Variants in SAMD3 observed in about 807,000 individuals in gnomAD.
SAMD3 encodes the protein sterile alpha motif domain-containing protein 3.
A neutral mutation model predicts 58.5 loss-of-function variants in SAMD3; 63 were observed. The observed-to-expected ratio is 1.08, with a 90% CI of 0.88 to 1.33. The LOEUF is 1.33. Among genes scored for constraint, SAMD3 ranks in the 40% most tolerant of loss-of-function variants. The pLI is 0.00. For missense variants in SAMD3, 604 were observed against 608.4 expected, an observed-to-expected ratio of 0.99 and a Z score of 0.08; for synonymous variants, 220 against 210.3, an observed-to-expected ratio of 1.05 and a Z score of -0.40.
intron 2 of SAMD3, among the ~76,000 whole-genome samples, chr6:130,241,193 G>A (rs2114894457): frequency 7.0e-6 from 1 of 142,008 alleles, no homozygotes; most frequent in South Asian, 2.3e-4. Flanking sequence ...AACCTGTTTT[G>A]TACTTAAACC....
intron 2 of SAMD3, among the ~76,000 whole-genome samples, chr6:130,233,713 T>A (rs1471342534): frequency 6.6e-6 from 1 of 152,220 alleles, no homozygotes; most frequent in Non-Finnish European, 1.5e-5. Flanking sequence ...TCTATCATCA[T>A]GGAAGCTTAT....
Position 130,179,501 on chromosome 6 carries a change from A to C in SAMD3, c.655-3493T>G, listed in dbSNP as rs74853949. Among the ~76,000 whole-genome samples the C allele has an allele frequency of 7.4e-3, 1,124 of 152,104 alleles. 23 individuals carry two copies. Among genetic ancestry groups the C allele is most frequent in the African/African-American group, 0.026 (1,093 of 41,454 alleles). ...CAGCATCACGAGCAGATCTTTGCAC[A>C]TTCAAATGCAGAATGTGGACCGTCT... On this transcript the variant is annotated intron_variant, in intron 7 of 11. Coordinates refer to ENST00000439090, the MANE Select transcript of SAMD3 (RefSeq NM_001017373.4).
Position 130,311,393 on chromosome 6 carries a change from G to T in SAMD3, c.-188+1585C>A, listed in dbSNP as rs186343151. Among the ~76,000 whole-genome samples, 904 of 152,270 alleles carry T rather than the reference G, an allele frequency of 5.9e-3. 42 individuals are homozygous for T. The highest frequency in any genetic ancestry group is 0.053 in the Admixed American group (809 of 15,294). ...CAAGGAGGGGTTCCTCCAGCCTACT[G>T]CTCCCTGGTCGCTGTTGCAGACACT... On this transcript the variant is annotated intron_variant, in intron 2 of 13. Transcript: ENST00000368134.
At chr6:130,155,110 A>G in intron 8 of SAMD3, 85 bp from the exon 9 acceptor site, 1 of 997,338 alleles carries the variant, frequency 1.0e-6, no homozygotes, top group Non-Finnish European at 1.5e-6. Context: ...CTCTTAACTC[A>G]TTCCTAAGGT....
intron 1 of SAMD3, among the ~76,000 whole-genome samples, chr6:130,357,066 G>A (rs1239001698): frequency 7.0e-6 from 1 of 142,512 alleles, no homozygotes; most frequent in Non-Finnish European, 1.5e-5. Flanking sequence ...TTGATATTTT[G>A]TATTTTATCT....
In SAMD3 at chr6:130,354,313, C is replaced by T. The variant is rs551029104; in HGVS notation, c.-304+10807G>A. 2.6e-5 allele frequency among the ~76,000 whole-genome samples: 4 copies of T among 152,270 alleles called. No homozygotes were observed. In the South Asian group the frequency reaches 8.3e-4, roughly 32 times the overall value. On this transcript the variant is annotated intron_variant, in intron 1 of 13. Transcript: ENST00000368134. ...CAGACCTACCATTTGACCCAGTAAT[C>T]CCATTACTGAGTATATACCCAAAGT...
chr6:130,162,413 T>C (rs895638840), intron 8 of SAMD3: 1 of 569,994 alleles, frequency 1.8e-6, no homozygotes, highest in Non-Finnish European at 3.1e-6. Flanking sequence ...TAAAAACTCA[T>C]CTTGACTTTT....
chr6:130,264,269 G>A (rs1229421738), intron 2 of SAMD3, among the ~76,000 whole-genome samples: 1 of 152,158 alleles, frequency 6.6e-6, no homozygotes, highest in African/African-American at 2.4e-5. Context: ...GCACCCTGCG[G>A]TTCAGCTGCC....
At chr6:130,145,263 T>C in intron 11 of SAMD3, 77 bp downstream of exon 11, 1 of 716,966 alleles carries the variant, frequency 1.4e-6, no homozygotes, top group South Asian at 3.4e-5. Flanking sequence ...ATCTCAAAAA[T>C]ATAAGTAAAT....
intron 2 of SAMD3, among the ~76,000 whole-genome samples, chr6:130,276,659 T>C (rs1156843919): frequency 6.6e-6 from 1 of 152,138 alleles, no homozygotes; most frequent in Non-Finnish European, 1.5e-5. Flanking sequence ...AATTCCCTAA[T>C]GGGTTCTTCT....
rs76832357 is a variant in SAMD3, at chr6:130,162,252, C to T, written c.823-7227G>A. On this transcript the variant is annotated intron_variant, in intron 8 of 11. Transcript: ENST00000439090. Reference sequence around the variant, plus strand: ...TTGTAATAGCAGAGCATAGTTCTAGCCAACTTTTAGTTTAAGCTGACAGCT... The same window carrying T: ...TTGTAATAGCAGAGCATAGTTCTAGTCAACTTTTAGTTTAAGCTGACAGCT... 5,800 of 701,716 alleles carry T rather than the reference C, an allele frequency of 8.3e-3. 235 individuals carry two copies. The African/African-American group carries it at 0.088, about 11-fold the overall frequency. The allele number at this position is 701,716 out of a possible 1,614,324, so 43.5% of individuals were successfully genotyped here.
chr6:130,308,318 T>C (rs576305628), intron 2 of SAMD3, among the ~76,000 whole-genome samples: 2 of 150,958 alleles, frequency 1.3e-5, no homozygotes, highest in South Asian at 2.1e-4. Context: ...CCTCATTGTA[T>C]CTCAACCTCC....
intron 5 of SAMD3, among the ~76,000 whole-genome samples, chr6:130,200,557 C>CAA (rs11375395): frequency 0.064 from 6,229 of 96,922 alleles, 304 homozygotes; most frequent in Middle Eastern, 0.13. Context: ...CCCCGACCCA[C>CAA]AAAAAAAAAA....
intron 4 of SAMD3, among the ~76,000 whole-genome samples, chr6:130,211,396 G>T (rs1795546023): frequency 6.7e-6 from 1 of 149,352 alleles, no homozygotes. Flanking sequence ...CAATTCTCCT[G>T]CCTCAGCCTC....
At chr6:130,351,366 C>T (rs892984676) in intron 1 of SAMD3, among the ~76,000 whole-genome samples, 3 of 151,840 alleles carry the variant, frequency 2.0e-5, no homozygotes, top group Non-Finnish European at 2.9e-5. Flanking sequence ...CAATGAACTC[C>T]AACAAATTTA....
At chr6:130,207,197 A>G (rs1434070077) in intron 5 of SAMD3, among the ~76,000 whole-genome samples, 1 of 151,662 alleles carries the variant, frequency 6.6e-6, no homozygotes, top group Admixed American at 6.6e-5. Context: ...AGAAAAAAAA[A>G]GACCTACAGG....
chr6:130,200,823 T>C (rs1329196189), intron 5 of SAMD3, among the ~76,000 whole-genome samples: 1 of 152,160 alleles, frequency 6.6e-6, no homozygotes, highest in Non-Finnish European at 1.5e-5. Flanking sequence ...GTTTTCTATA[T>C]AAAATGTTAA....
chr6:130,298,563 G>C (rs1775645170), intron 2 of SAMD3, among the ~76,000 whole-genome samples: 1 of 152,062 alleles, frequency 6.6e-6, no homozygotes, highest in Non-Finnish European at 1.5e-5. Flanking sequence ...AGTATTAAGA[G>C]AAAAGTTTAT....
At chr6:130,162,386 T>C (rs1790355734) in intron 8 of SAMD3, 3 of 638,036 alleles carry the variant, frequency 4.7e-6, no homozygotes, top group South Asian at 1.8e-5. Context: ...ATAGCTTTTT[T>C]ATCTCCCAGA....
Sources: gnomAD v4.1 joint callset for allele counts (sites outside exome capture counted in the v4.1 genomes callset) on GRCh38, gnomAD v4.1.1 for gene constraint, MANE v1.5 for transcripts, NCBI Gene and HGNC (gene_info 2026-07-23, HGNC 2026-07-21) for gene names.